TMEM132D: variants seen among roughly 807,000 people sequenced by gnomAD.
TMEM132D encodes mature OL transmembrane protein.
A neutral mutation model predicts 62.3 loss-of-function variants in TMEM132D; 21 were observed. The ratio of observed to expected loss-of-function variants is 0.34; its 90% CI spans 0.24 to 0.49. The LOEUF is 0.49. Among genes scored for constraint, TMEM132D ranks in the 20% least tolerant of loss-of-function variants. The pLI is 0.99. For synonymous variants in TMEM132D, 621 were observed against 575.6 expected (o/e 1.08, Z -1.13); for missense variants, 1,346 against 1,402.8 (o/e 0.96, Z 0.65).
rs539646392 is a variant in TMEM132D, at chr12:129,527,511, C to T, written c.1115+3548G>A. ...TAGCCCTTAAAAGAGATGAACTTCT[C>T]TTCAATCAAGTCTTGCTGGAGAACT... On this transcript the variant is annotated intron_variant, in intron 3 of 8. Coordinates refer to ENST00000422113, the MANE Select transcript of TMEM132D (RefSeq NM_133448.3). Among the ~76,000 whole-genome samples the T allele has an allele frequency of 6.6e-5, 10 of 152,312 alleles. No individual in the cohort carries two copies. The South Asian group carries it at 2.1e-3, about 32-fold the overall frequency.
At chr12:129,691,539 T>C (rs1443839140) in intron 2 of TMEM132D, among the ~76,000 whole-genome samples, 1 of 152,112 alleles carries the variant, frequency 6.6e-6, no homozygotes, top group African/African-American at 2.4e-5. Flanking sequence ...AGTTTTCTTC[T>C]TTGAGATATA....
intron 3 of TMEM132D, among the ~76,000 whole-genome samples, chr12:129,467,601 G>A (rs904222287): frequency 2.6e-5 from 4 of 152,164 alleles, no homozygotes; most frequent in Non-Finnish European, 4.4e-5. Context: ...CTGCACCCTC[G>A]GGTATCACAG....
intron 1 of TMEM132D, among the ~76,000 whole-genome samples, chr12:129,760,457 G>A (rs1870326562): frequency 6.8e-6 from 1 of 147,928 alleles, no homozygotes; most frequent in Non-Finnish European, 1.5e-5. Context: ...TCAGCCTCCT[G>A]AGTAGCTGGG....
chr12:129,128,756 C>T, intron 5 of TMEM132D, among the ~76,000 whole-genome samples: 1 of 152,132 alleles, frequency 6.6e-6, no homozygotes, highest in Non-Finnish European at 1.5e-5. Context: ...CCCATCCTGC[C>T]CCCACCCTTG....
intron 1 of TMEM132D, among the ~76,000 whole-genome samples, chr12:129,901,870 G>C (rs11060608): frequency 0.017 from 1,599 of 92,288 alleles, 20 homozygotes; most frequent in African/African-American, 0.047. Context: ...AACCCCCCCC[G>C]CCCCAAAAAA....
chr12:129,860,361 G>T (rs192969296), intron 1 of TMEM132D, among the ~76,000 whole-genome samples: 16 of 152,296 alleles, frequency 1.1e-4, no homozygotes, highest in Non-Finnish European at 2.1e-4. Flanking sequence ...CCCAAACTCT[G>T]TCAATTTAGA....
chr12:129,482,908 G>A (rs114631833), intron 3 of TMEM132D, among the ~76,000 whole-genome samples: 86 of 151,270 alleles, frequency 5.7e-4, no homozygotes, highest in Middle Eastern at 3.4e-3. Flanking sequence ...TTTGAAAAGA[G>A]CAAACATCTG....
rs71082709 is a variant in TMEM132D at position 129,420,306 on chromosome 12, G to GTTTTTTTTTTTTTTTTTTT, written c.1116-82508_1116-82490dup. ...AATTTCAAATTATTGCACGTTCTCTGTTTTTTTTTTTTTTTTTTTTTTTTG... is the reference window on the plus strand; with the variant it reads ...AATTTCAAATTATTGCACGTTCTCTGTTTTTTTTTTTTTTTTTTTTTTTTTTTTTTTTTTTTTTTTTTTG... On this transcript the variant is annotated intron_variant, in intron 3 of 8. Coordinates refer to ENST00000422113, the MANE Select transcript of TMEM132D (RefSeq NM_133448.3). 8.1e-4 allele frequency among the ~76,000 whole-genome samples: 91 copies of GTTTTTTTTTTTTTTTTTTT among 112,286 alleles called. 8 individuals are homozygous for GTTTTTTTTTTTTTTTTTTT. Among genetic ancestry groups the GTTTTTTTTTTTTTTTTTTT allele is most frequent in the African/African-American group, 1.5e-3 (37 of 24,944 alleles). The allele number at this position is 112,286 out of a possible 152,430, so 73.7% of individuals were successfully genotyped here.
In TMEM132D at chr12:129,353,963, A is replaced by G. The variant is rs140506013; in HGVS notation, c.1116-16146T>C. On this transcript the variant is annotated intron_variant, in intron 3 of 8. Transcript: ENST00000422113. The stretch of plus-strand genomic sequence containing the variant: ...CACAGACAGCTCTTCTCATTCCCCA[A>G]TAATGCTCACTAGTGCAGACTCCTT... Among the ~76,000 whole-genome samples, 387 of 152,188 alleles carry G rather than the reference A, an allele frequency of 2.5e-3. 1 individual carries two copies. The highest frequency in any genetic ancestry group is 8.6e-3 in the African/African-American group (359 of 41,520).
intron 5 of TMEM132D, among the ~76,000 whole-genome samples, chr12:129,108,920 T>G (rs1875590375): frequency 6.6e-6 from 1 of 152,188 alleles, no homozygotes; most frequent in Non-Finnish European, 1.5e-5. Context: ...AGCTCTCTAT[T>G]CATCTTCTTT....
chr12:129,178,590 T>G (rs1171755222), intron 5 of TMEM132D, among the ~76,000 whole-genome samples: 1 of 152,160 alleles, frequency 6.6e-6, no homozygotes, highest in African/African-American at 2.4e-5. Flanking sequence ...CATGTGATTT[T>G]AAGGAAAAAC....
chr12:129,453,225 TG>T (rs1873356263), intron 3 of TMEM132D, among the ~76,000 whole-genome samples: 1 of 152,208 alleles, frequency 6.6e-6, no homozygotes, highest in African/African-American at 2.4e-5. Context: ...AACCAGTCCC[TG>T]GTGCCAAAAA....
chr12:129,126,144 A>G (rs910906933), intron 5 of TMEM132D, among the ~76,000 whole-genome samples: 1 of 152,130 alleles, frequency 6.6e-6, no homozygotes, highest in Non-Finnish European at 1.5e-5. Flanking sequence ...CTTAAGGTAC[A>G]TGTCTTTAAA....
chr12:129,418,556 G>A (rs537713169), intron 3 of TMEM132D, among the ~76,000 whole-genome samples: 1 of 151,976 alleles, frequency 6.6e-6, no homozygotes, highest in East Asian at 1.9e-4. Context: ...ACCGGGGCCT[G>A]TTGGTGGGTG....
intron 5 of TMEM132D, among the ~76,000 whole-genome samples, chr12:129,134,361 T>C (rs1876492647): frequency 6.6e-6 from 1 of 152,202 alleles, no homozygotes; most frequent in Non-Finnish European, 1.5e-5. Context: ...AAGGACATGG[T>C]TACAGACAAA....
intron 1 of TMEM132D, among the ~76,000 whole-genome samples, chr12:129,721,911 G>C (rs1327288165): frequency 6.6e-6 from 1 of 152,242 alleles, no homozygotes; most frequent in Non-Finnish European, 1.5e-5. Context: ...CTACTTCTCA[G>C]ATGTGGGTCC....
intron 2 of TMEM132D, among the ~76,000 whole-genome samples, chr12:129,665,415 T>A (rs674147): frequency 6.6e-6 from 1 of 151,992 alleles, no homozygotes; most frequent in Non-Finnish European, 1.5e-5. Flanking sequence ...TGTGGGAGAA[T>A]AGCAGGAAAT....
chr12:129,426,714 A>AAAGAG (rs1872512252), intron 3 of TMEM132D, among the ~76,000 whole-genome samples: 1 of 152,234 alleles, frequency 6.6e-6, no homozygotes, highest in African/African-American at 2.4e-5. Context: ...CTTTATATAT[A>AAAGAG]TTAACTACAT....
intron 3 of TMEM132D, among the ~76,000 whole-genome samples, chr12:129,503,473 A>G (rs961323042): frequency 2.6e-5 from 4 of 152,210 alleles, no homozygotes; most frequent in African/African-American, 9.6e-5. Context: ...GAGAGAAAGA[A>G]GAAAGGGAAG....
Sources: gnomAD v4.1 joint callset for allele counts (sites outside exome capture counted in the v4.1 genomes callset) on GRCh38, gnomAD v4.1.1 for gene constraint, MANE v1.5 for transcripts, NCBI Gene and HGNC (gene_info 2026-07-23, HGNC 2026-07-21) for gene names.